Variants in PDZD2 observed in about 807,000 individuals in gnomAD.
PDZD2 encodes PDZ domain containing 2, also known as PDZ domain-containing protein 2.
Under a neutral mutation model 220.7 loss-of-function variants are expected in PDZD2, and 90 were observed. That is an observed-to-expected ratio of 0.41 (90% CI 0.34 to 0.49). The LOEUF (loss-of-function observed/expected upper bound fraction) is 0.49. Ranked by LOEUF, PDZD2 falls within the 20% of genes least tolerant of loss-of-function variation. The pLI, the probability that PDZD2 is intolerant of heterozygous loss-of-function variation, is 0.28. For missense variants in PDZD2, 3,174 were observed against 3,608.5 expected, an observed-to-expected ratio of 0.88 and a Z score of 3.08; for synonymous variants, 1,375 against 1,450.5, an observed-to-expected ratio of 0.95 and a Z score of 1.18.
At chr5:31,957,635 C>CT (rs1747833945) in intron 2 of PDZD2, among the ~76,000 whole-genome samples, 1 of 152,160 alleles carries the variant, frequency 6.6e-6, no homozygotes, top group Non-Finnish European at 1.5e-5. Flanking sequence ...ATTATATGGC[C>CT]TTAAGTGGTT....
rs370149169 is a variant in PDZD2 at position 31,759,571 on chromosome 5, C to T, written c.-360-39318C>T. On this transcript the variant is annotated intron_variant, in intron 1 of 24. Coordinates refer to ENST00000438447, the MANE Select transcript of PDZD2 (RefSeq NM_178140.4). Reference sequence around the variant, plus strand: ...TTTTTTTTTTTTTTGAGACTCACTCCGTTGCCCAGGCTGGAGTGCAGTGGT... The same window carrying T: ...TTTTTTTTTTTTTTGAGACTCACTCTGTTGCCCAGGCTGGAGTGCAGTGGT... 5.4e-4 allele frequency among the ~76,000 whole-genome samples: 79 copies of T among 147,256 alleles called. 1 individual carries two copies. The East Asian group carries it at 0.013, about 23-fold the overall frequency.
intron 1 of PDZD2, among the ~76,000 whole-genome samples, chr5:31,752,802 T>C (rs1751087180): frequency 1.3e-5 from 2 of 152,202 alleles, no homozygotes; most frequent in South Asian, 4.1e-4. Flanking sequence ...TTCTTAGATA[T>C]GGTTTTCCTG....
rs372050270 is a variant in PDZD2 at position 31,799,528 on chromosome 5, G to C, written c.280G>C (p.Gly94Arg). The change falls in exon 2 of 25, where the codon GGG becomes CGG. Residue 94 changes from glycine (G) to arginine (R), a missense_variant. By Grantham distance (125) the Gly-to-Arg change is moderately radical (BLOSUM62 -2). Transcript: ENST00000438447. ...GAGTTTTGGGAACATCCCTGTTTTC[G>C]GGGACTATGGTGAAAAGCGCAGGGG... ...GLSFGNIPVF[G>R]DYGEKRRGGK... 2 of 1,614,014 alleles carry C rather than the reference G, an allele frequency of 1.2e-6. No individual in the cohort carries two copies. Among genetic ancestry groups the C allele is most frequent in the African/African-American group, 2.7e-5 (2 of 74,918 alleles).
chr5:31,767,156 C>T (rs578238355), intron 1 of PDZD2, among the ~76,000 whole-genome samples: 2 of 151,440 alleles, frequency 1.3e-5, no homozygotes, highest in African/African-American at 4.9e-5. Context: ...CGTAGCCTCC[C>T]GAGTAGCTGG....
At chr5:31,695,808 A>G (rs451752) in intron 1 of PDZD2, among the ~76,000 whole-genome samples, 25,734 of 152,090 alleles carry the variant, frequency 0.17, 2,343 homozygotes, top group African/African-American at 0.23. Flanking sequence ...TGAGAGCAGA[A>G]TGTAGCACTT....
At chr5:31,927,177 G>A (rs942941435) in intron 2 of PDZD2, among the ~76,000 whole-genome samples, 3 of 152,122 alleles carry the variant, frequency 2.0e-5, no homozygotes, top group Non-Finnish European at 4.4e-5. Context: ...ATATACCCAG[G>A]TAACCAACCG....
intron 21 of PDZD2, among the ~76,000 whole-genome samples, chr5:32,094,454 T>C (rs1743453618): frequency 6.6e-6 from 1 of 152,094 alleles, no homozygotes. Flanking sequence ...TTCCAGAAAT[T>C]CAAATATAGA....
intron 2 of PDZD2, among the ~76,000 whole-genome samples, chr5:31,925,949 G>A (rs992390995): frequency 6.6e-6 from 1 of 152,124 alleles, no homozygotes; most frequent in Non-Finnish European, 1.5e-5. Flanking sequence ...GAAGTCAAGT[G>A]CCTCATGCCT....
intron 2 of PDZD2, among the ~76,000 whole-genome samples, chr5:31,825,756 T>C (rs922723957): frequency 5.3e-5 from 8 of 152,196 alleles, no homozygotes; most frequent in African/African-American, 1.4e-4. Flanking sequence ...AAAAGGTGTT[T>C]GAAATAATAG....
chr5:31,971,137 C>CA, intron 2 of PDZD2, among the ~76,000 whole-genome samples: 1 of 152,166 alleles, frequency 6.6e-6, no homozygotes, highest in East Asian at 1.9e-4. Flanking sequence ...GCTGCTATAA[C>CA]AAAAATACCA....
chr5:31,736,082 A>G (rs1487003726), intron 1 of PDZD2, among the ~76,000 whole-genome samples: 2 of 152,150 alleles, frequency 1.3e-5, no homozygotes, highest in Non-Finnish European at 2.9e-5. Context: ...ATCATCTAAA[A>G]CGGAGGTAAT....
chr5:31,736,359 G>A (rs1749863661), intron 1 of PDZD2, among the ~76,000 whole-genome samples: 1 of 152,176 alleles, frequency 6.6e-6, no homozygotes, highest in African/African-American at 2.4e-5. Context: ...CACTCAATAA[G>A]GACCTGTTGG....
intron 4 of PDZD2, among the ~76,000 whole-genome samples, chr5:31,999,259 G>C (rs370070124): frequency 4.0e-4 from 59 of 146,182 alleles, no homozygotes; most frequent in African/African-American, 1.4e-3. Context: ...TTTTTTTTGG[G>C]GGGGGCGGGT....
intron 2 of PDZD2, among the ~76,000 whole-genome samples, chr5:31,953,912 G>C (rs1747414998): frequency 6.6e-6 from 1 of 152,032 alleles, no homozygotes; most frequent in South Asian, 2.1e-4. Flanking sequence ...GCCTCCCAAA[G>C]TGCTGGGATT....
chr5:32,101,142 A>G lies in PDZD2; in HGVS notation c.8256A>G (p.Glu2752=), dbSNP rs1744223786. 6.2e-7 allele frequency: 1 copy of G among 1,613,984 alleles called. No individual in the cohort carries two copies. The highest frequency in any genetic ancestry group is 1.3e-5 in the African/African-American group (1 of 74,920). ...CTGTACACGATGCTCTGTGTGTTGA[A>G]GTGCTGAAGACCTCGGCTGGGCTGG... ...SVAVHDALCV[E]VLKTSAGLGL... Residue 2752 remains glutamate (E), a synonymous_variant, in exon 24 of 25, where the codon GAA becomes GAG. Transcript: ENST00000438447.
At chr5:31,833,043 G>A (rs887091688) in intron 2 of PDZD2, among the ~76,000 whole-genome samples, 5 of 152,220 alleles carry the variant, frequency 3.3e-5, no homozygotes, top group Admixed American at 6.5e-5. Context: ...TAGCACAGTC[G>A]GTAGCCACTG....
intron 14 of PDZD2, among the ~76,000 whole-genome samples, chr5:32,063,162 A>G (rs1739853670): frequency 2.0e-5 from 3 of 151,800 alleles, no homozygotes; most frequent in Admixed American, 6.6e-5. Context: ...CTCCCGCCTC[A>G]GCCTTCTGAG....
chr5:31,816,507 G>A (rs530454226), intron 2 of PDZD2, among the ~76,000 whole-genome samples: 3 of 151,880 alleles, frequency 2.0e-5, no homozygotes, highest in Admixed American at 6.6e-5. Context: ...TATGCAAAGG[G>A]CATTTTCAAG....
chr5:32,038,055 G>A (rs941669847), intron 7 of PDZD2, among the ~76,000 whole-genome samples: 10 of 148,996 alleles, frequency 6.7e-5, no homozygotes, highest in Admixed American at 6.0e-4. Context: ...TGTTGGCCAG[G>A]CTGGTCTTGA....
Sources: gnomAD v4.1 joint callset for allele counts (sites outside exome capture counted in the v4.1 genomes callset) on GRCh38, gnomAD v4.1.1 for gene constraint, MANE v1.5 for transcripts, NCBI Gene and HGNC (gene_info 2026-07-23, HGNC 2026-07-21) for gene names.